The following HDLBP variants were observed in gnomAD, a reference collection of about 807,000 sequenced individuals.
HDLBP encodes high density lipoprotein binding protein.
In HDLBP, 30 loss-of-function variants were observed where a neutral mutation model predicts 137.3. That is an observed-to-expected ratio of 0.22 (90% CI 0.16 to 0.30). HDLBP has a LOEUF of 0.30. HDLBP is among the 10% of genes least tolerant of loss of function. The pLI is 1.00. For synonymous variants in HDLBP, 606 were observed against 596.0 expected (o/e 1.02, Z -0.24); for missense variants, 1,119 against 1,667.3 (o/e 0.67, Z 5.73).
At chr2:241,277,862 G>T (rs919242553) in intron 1 of HDLBP, among the ~76,000 whole-genome samples, 1 of 152,142 alleles carries the variant, frequency 6.6e-6, no homozygotes, top group Admixed American at 6.5e-5. Context: ...TCAGGAGGCC[G>T]AGGCAGGAGA....
chr2:241,297,137 C>T (rs1448436289), intron 1 of HDLBP, among the ~76,000 whole-genome samples: 3 of 152,120 alleles, frequency 2.0e-5, no homozygotes, highest in East Asian at 1.9e-4. Flanking sequence ...ACTGGGGATA[C>T]GGGCTTCCAC....
chr2:241,310,264 G>C (rs554521288), intron 1 of HDLBP, among the ~76,000 whole-genome samples: 8 of 152,280 alleles, frequency 5.3e-5, no homozygotes, highest in African/African-American at 1.9e-4. Context: ...AGACAAACTT[G>C]AGAATAACTT....
chr2:241,315,222 C>A (rs902356206), intron 1 of HDLBP: 1 of 152,126 alleles, frequency 6.6e-6, no homozygotes, highest in African/African-American at 2.4e-5. Flanking sequence ...ACGCCCGACT[C>A]GATGGTCTGC....
intron 1 of HDLBP, among the ~76,000 whole-genome samples, chr2:241,285,564 A>T (rs1329514735): frequency 2.7e-4 from 41 of 152,304 alleles, no homozygotes; most frequent in Non-Finnish European, 2.9e-5. Flanking sequence ...ACCAGTGATG[A>T]TGTGTGCTTA....
intron 17 of HDLBP, among the ~76,000 whole-genome samples, chr2:241,242,244 A>G (rs1398896208): frequency 6.6e-6 from 1 of 152,258 alleles, no homozygotes; most frequent in Non-Finnish European, 1.5e-5. Flanking sequence ...CTAATAAGCC[A>G]AAGACCAACT....
rs1479290779 is a variant in HDLBP at position 241,314,838 on chromosome 2, A to G, written c.-103+732T>C. Among the ~76,000 whole-genome samples the G allele has an allele frequency of 1.3e-5, 2 of 152,208 alleles. 1 individual carries two copies. Among genetic ancestry groups the G allele is most frequent in the Non-Finnish European group, 2.9e-5 (2 of 68,022 alleles). On this transcript the variant is annotated intron_variant, in intron 1 of 27. Transcript: ENST00000310931. ...CATGCGGGTCAGCCATTAGGAACTCAGGAAGTGTTTCCTCTAAGCGGGGGA... is the reference window on the plus strand; with the variant it reads ...CATGCGGGTCAGCCATTAGGAACTCGGGAAGTGTTTCCTCTAAGCGGGGGA...
intron 24 of HDLBP, among the ~76,000 whole-genome samples, chr2:241,232,779 A>C (rs1255992025): frequency 6.6e-6 from 1 of 152,002 alleles, no homozygotes. Flanking sequence ...GCGCCACTGC[A>C]CTCCACCTGG....
chr2:241,298,392 AATAG>A (rs2075265964), intron 1 of HDLBP, among the ~76,000 whole-genome samples: 1 of 152,038 alleles, frequency 6.6e-6, no homozygotes, highest in Admixed American at 6.5e-5. Flanking sequence ...GAAAAAAATA[AATAG>A]ATAAATAAAT....
chr2:241,259,710 T>C (rs996067519), intron 5 of HDLBP, among the ~76,000 whole-genome samples: 2 of 152,120 alleles, frequency 1.3e-5, no homozygotes, highest in Non-Finnish European at 2.9e-5. Flanking sequence ...CCTGTGCTCA[T>C]GCAATCTGCT....
intron 1 of HDLBP, among the ~76,000 whole-genome samples, chr2:241,301,819 C>T (rs1389824368): frequency 6.6e-6 from 1 of 151,646 alleles, no homozygotes; most frequent in Non-Finnish European, 1.5e-5. Context: ...AAAAAGTTTC[C>T]TATTCTAATA....
rs1477355039 is a variant in HDLBP, at chr2:241,256,813, CAAG to C, written c.451-10_451-8del. The C allele has an allele frequency of 5.6e-6, 9 of 1,609,518 alleles. No homozygotes were observed. In the East Asian group the frequency reaches 2.0e-4, roughly 36 times the overall value. Reference sequence around the variant, plus strand: ...TGGCAACAGTTGCTGAGGCCTATAGCAAGAAGAGAATAAAAGAAAACAAGAATA... The same window carrying C: ...TGGCAACAGTTGCTGAGGCCTATAGCAAGAGAATAAAAGAAAACAAGAATA... On this transcript the variant is annotated splice_region_variant and splice_polypyrimidine_tract_variant and intron_variant, in intron 5 of 27. Transcript: ENST00000310931.
At chr2:241,278,609 A>C (rs951992152) in intron 1 of HDLBP, among the ~76,000 whole-genome samples, 2 of 152,108 alleles carry the variant, frequency 1.3e-5, no homozygotes, top group African/African-American at 2.4e-5. Flanking sequence ...CAAATGAAGA[A>C]TCTCAACTAA....
intron 2 of HDLBP, chr2:241,267,701 A>C: frequency 2.0e-6 from 3 of 1,535,354 alleles, no homozygotes; most frequent in East Asian, 4.9e-5. Flanking sequence ...GGTGGTTATA[A>C]GTGGTAGCTG....
chr2:241,281,307 T>A (rs1363964906), intron 1 of HDLBP, among the ~76,000 whole-genome samples: 1 of 151,790 alleles, frequency 6.6e-6, no homozygotes, highest in Non-Finnish European at 1.5e-5. Context: ...TGAGCCGAGA[T>A]CGCGCCATTG....
chr2:241,229,382 T>G lies in HDLBP; in HGVS notation c.*219A>C. 4.1e-6 allele frequency: 2 copies of G among 487,982 alleles called. No individual in the cohort carries two copies. The highest frequency in any genetic ancestry group is 7.5e-6 in the Non-Finnish European group (2 of 266,300). 30.2% of individuals were successfully genotyped at this position (487,982 alleles called of 1,614,324 possible). Reference sequence around the variant, plus strand: ...TTAGCACGAATGCTCATGACCTTGGTTTAGTGTTAAACAGTGGAGCAGGTC... The same window carrying G: ...TTAGCACGAATGCTCATGACCTTGGGTTAGTGTTAAACAGTGGAGCAGGTC... On this transcript the variant is annotated 3_prime_UTR_variant, in exon 28 of 28. Transcript: ENST00000310931.
chr2:241,236,112 A>C, intron 21 of HDLBP: 1 of 187,790 alleles, frequency 5.3e-6, no homozygotes, highest in Non-Finnish European at 1.1e-5. Context: ...ATTTACCATC[A>C]CTTGCCACAG....
At chr2:241,253,569 G>A in intron 9 of HDLBP, 72 bp from the exon 10 acceptor site, 2 of 1,046,262 alleles carry the variant, frequency 1.9e-6, no homozygotes, top group Middle Eastern at 2.1e-4. Context: ...CCCAGTGGGA[G>A]CTCTCTTCGG....
chr2:241,304,779 C>T (rs1351855761), intron 1 of HDLBP, among the ~76,000 whole-genome samples: 1 of 152,172 alleles, frequency 6.6e-6, no homozygotes, highest in Non-Finnish European at 1.5e-5. Context: ...CCCCTTTGAC[C>T]CTGAGCTTTA....
chr2:241,253,121 C>T (rs751999468), intron 10 of HDLBP, 86 bp from the exon 11 acceptor site: 2 of 905,174 alleles, frequency 2.2e-6, no homozygotes, highest in Non-Finnish European at 3.6e-6. Flanking sequence ...CCACGGTTGC[C>T]TTTTCTGACC....
Sources: gnomAD v4.1 joint callset for allele counts (sites outside exome capture counted in the v4.1 genomes callset) on GRCh38, gnomAD v4.1.1 for gene constraint, MANE v1.5 for transcripts, NCBI Gene and HGNC (gene_info 2026-07-23, HGNC 2026-07-21) for gene names.